Variants in THSD4 observed in about 807,000 individuals in gnomAD.
THSD4 encodes the protein thrombospondin type-1 domain-containing protein 4.
Under a neutral mutation model 119.0 loss-of-function variants are expected in THSD4, and 69 were observed. That is an observed-to-expected ratio of 0.58 (90% CI 0.48 to 0.71). THSD4 has a LOEUF of 0.71. Ranked by LOEUF, THSD4 falls within the 30% of genes least tolerant of loss-of-function variation. The probability of loss-of-function intolerance (pLI) is 0.00; values close to 1 mark genes in which losing one functional copy is unlikely to be tolerated. For missense variants in THSD4, 1,393 were observed against 1,391.1 expected (o/e 1.00, Z -0.02); for synonymous variants, 524 against 540.4 (o/e 0.97, Z 0.42).
chr15:71,110,071 T>C (rs1185358972), intron 1 of THSD4, among the ~76,000 whole-genome samples: 3 of 152,208 alleles, frequency 2.0e-5, no homozygotes, highest in African/African-American at 7.2e-5. Flanking sequence ...TGTAAGCTGA[T>C]TAGCCTCAAA....
chr15:71,595,407 G>A (rs867924209), intron 7 of THSD4, among the ~76,000 whole-genome samples: 7 of 152,238 alleles, frequency 4.6e-5, no homozygotes, highest in Middle Eastern at 3.4e-3. Context: ...GAGATCTGAT[G>A]GGTTTATTAG....
At chr15:71,524,437 C>T (rs2048486524) in intron 7 of THSD4, among the ~76,000 whole-genome samples, 1 of 152,140 alleles carries the variant, frequency 6.6e-6, no homozygotes, top group Non-Finnish European at 1.5e-5. Flanking sequence ...AACTCTGCTG[C>T]ATTGGATGGC....
intron 7 of THSD4, among the ~76,000 whole-genome samples, chr15:71,530,622 C>T (rs1289630601): frequency 6.6e-6 from 1 of 152,170 alleles, no homozygotes; most frequent in Non-Finnish European, 1.5e-5. Flanking sequence ...GCTGACATCT[C>T]AGTGATTTGA....
chr15:71,381,913 T>C (rs2046233944), intron 6 of THSD4, among the ~76,000 whole-genome samples: 1 of 152,288 alleles, frequency 6.6e-6, no homozygotes, highest in Admixed American at 6.5e-5. Context: ...AATATCTCTT[T>C]TTTTAAAAGG....
rs1232105409 is a variant in THSD4 at position 71,420,426 on chromosome 15, G to C, written c.1152+8603G>C. Among the ~76,000 whole-genome samples, 16 of 104,378 alleles carry C rather than the reference G, an allele frequency of 1.5e-4. 6 individuals are homozygous for C. The Admixed American group carries it at 1.6e-3, about 11-fold the overall frequency. The allele number at this position is 104,378 out of a possible 152,430, so 68.5% of individuals were successfully genotyped here. A position where few individuals can be genotyped will look rare whatever the true frequency, so the allele number is the denominator to read the frequency against. On this transcript the variant is annotated intron_variant, in intron 7 of 17. Coordinates refer to ENST00000261862, the MANE Select transcript of THSD4 (RefSeq NM_024817.3). ...GGGTCTTTTTTTTTTAATCCATTCA[G>C]CCACTCTATGTCTTTTGATTTGTGA...
intron 7 of THSD4, among the ~76,000 whole-genome samples, chr15:71,503,387 G>C (rs141708886): frequency 3.3e-3 from 503 of 152,224 alleles, no homozygotes; most frequent in Non-Finnish European, 5.8e-3. Context: ...TTATTCCTCA[G>C]GGAGCATTTC....
At chr15:71,543,335 A>G (rs928269922) in intron 7 of THSD4, among the ~76,000 whole-genome samples, 1 of 152,198 alleles carries the variant, frequency 6.6e-6, no homozygotes, top group Non-Finnish European at 1.5e-5. Context: ...GCACTGGGAA[A>G]GAGGCCTGGA....
chr15:71,375,057 C>T (rs572972520), intron 6 of THSD4, among the ~76,000 whole-genome samples: 6 of 152,316 alleles, frequency 3.9e-5, no homozygotes, highest in Admixed American at 2.6e-4. Flanking sequence ...CTCACACTCC[C>T]TTTTCCCCAT....
In THSD4 at chr15:71,420,257, C is replaced by T. The variant is rs966522339; in HGVS notation, c.1152+8434C>T. On this transcript the variant is annotated intron_variant, in intron 7 of 17. Transcript: ENST00000261862. ...TCTTTGTCTCTTTTTATAGTTTTTG[C>T]GTTGAAATTTAGTTTGTCTAAGTAT... 1.9e-5 allele frequency among the ~76,000 whole-genome samples: 2 copies of T among 107,560 alleles called. 1 individual carries two copies. The highest frequency in any genetic ancestry group is 4.1e-5 in the Non-Finnish European group (2 of 48,908). The allele number at this position is 107,560 out of a possible 152,430, so 70.6% of individuals were successfully genotyped here. A position where few individuals can be genotyped will look rare whatever the true frequency, so the allele number is the denominator to read the frequency against.
intron 6 of THSD4, among the ~76,000 whole-genome samples, chr15:71,288,748 C>G (rs1200560226): frequency 1.3e-5 from 2 of 152,204 alleles, no homozygotes; most frequent in African/African-American, 4.8e-5. Context: ...ACAGCATCCA[C>G]GTACACTTAA....
At position 71,499,893 on chromosome 15, in the gene THSD4, C is replaced by T. The variant is rs76496752; in HGVS notation, c.1152+88070C>T. On this transcript the variant is annotated intron_variant, in intron 7 of 17. Transcript: ENST00000261862. The stretch of plus-strand genomic sequence containing the variant: ...TGAATATGCCACTTTATCCATTCAT[C>T]TACAGTTGGGTTCACATTTTAGCTA... Among the ~76,000 whole-genome samples, 1,099 of 152,236 alleles carry T rather than the reference C, an allele frequency of 7.2e-3. 59 individuals carry two copies. Among genetic ancestry groups the T allele is most frequent in the Admixed American group, 0.055 (836 of 15,296 alleles).
rs1196995009 is a variant in THSD4, at chr15:71,553,845, A to G, written c.1153-106685A>G. ...TATATTATGGATTTCTTAATGTCGG[A>G]CTGTCTTTGCATTCTTGGAATTAAC... On this transcript the variant is annotated intron_variant, in intron 7 of 17. Transcript: ENST00000261862. 4.6e-5 allele frequency among the ~76,000 whole-genome samples: 7 copies of G among 152,092 alleles called. No individual in the cohort carries two copies. In the East Asian group the frequency reaches 1.2e-3, roughly 25 times the overall value.
chr15:71,673,711 A>G (rs935965589), intron 8 of THSD4, among the ~76,000 whole-genome samples: 2 of 152,172 alleles, frequency 1.3e-5, no homozygotes, highest in African/African-American at 4.8e-5. Flanking sequence ...ATTGGTTTCA[A>G]AGAACATCTT....
chr15:71,468,204 G>A (rs987646072), intron 7 of THSD4, among the ~76,000 whole-genome samples: 17 of 152,202 alleles, frequency 1.1e-4, no homozygotes, highest in African/African-American at 4.1e-4. Flanking sequence ...CTTGCCTGCT[G>A]CCATGTAAGA....
At chr15:71,699,699 G>T (rs188024395) in intron 8 of THSD4, among the ~76,000 whole-genome samples, 28 of 152,162 alleles carry the variant, frequency 1.8e-4, no homozygotes, top group Non-Finnish European at 4.1e-4. Flanking sequence ...TGTTCTTGAT[G>T]GAATGGGTTT....
At chr15:71,225,543 T>C (rs1356194175) in intron 4 of THSD4, among the ~76,000 whole-genome samples, 2 of 108,524 alleles carry the variant, frequency 1.8e-5, no homozygotes, top group African/African-American at 4.3e-5. Context: ...CTTTTTCTTT[T>C]TTTTTTTCTT....
At chr15:71,284,533 A>G (rs1261391147) in intron 6 of THSD4, among the ~76,000 whole-genome samples, 1 of 152,210 alleles carries the variant, frequency 6.6e-6, no homozygotes, top group Non-Finnish European at 1.5e-5. Context: ...CTATAATATC[A>G]TGGACCCAAA....
At chr15:71,113,158 C>T (rs2040320241), upstream of THSD4, among the ~76,000 whole-genome samples, 1 of 152,244 alleles carries the variant, frequency 6.6e-6, no homozygotes, top group Admixed American at 6.5e-5. Context: ...CACTGCACCC[C>T]AGCCTGGGTG....
At chr15:71,698,754 C>G (rs1436631904) in intron 8 of THSD4, among the ~76,000 whole-genome samples, 1 of 151,596 alleles carries the variant, frequency 6.6e-6, no homozygotes, top group African/African-American at 2.4e-5. Flanking sequence ...AAGAAAAATT[C>G]TGACATTTGT....
Sources: gnomAD v4.1 joint callset for allele counts (sites outside exome capture counted in the v4.1 genomes callset) on GRCh38, gnomAD v4.1.1 for gene constraint, MANE v1.5 for transcripts, NCBI Gene and HGNC (gene_info 2026-07-23, HGNC 2026-07-21) for gene names.